The following GABRG3 variants were observed in gnomAD, a reference collection of about 807,000 sequenced individuals.
The protein encoded by GABRG3 is gamma-aminobutyric acid type A receptor subunit gamma3, also known as gamma-aminobutyric acid receptor subunit gamma-3.
Under a neutral mutation model 48.8 loss-of-function variants are expected in GABRG3, and 25 were observed. The observed-to-expected ratio is 0.51, with a 90% CI of 0.37 to 0.72. The LOEUF (loss-of-function observed/expected upper bound fraction) is 0.72. GABRG3 is among the 30% of genes least tolerant of loss of function. The pLI, the probability that GABRG3 is intolerant of heterozygous loss-of-function variation, is 0.00. For missense variants in GABRG3, 394 were observed against 577.9 expected, an observed-to-expected ratio of 0.68 and a Z score of 3.26; for synonymous variants, 227 against 217.6, an observed-to-expected ratio of 1.04 and a Z score of -0.38.
At chr15:27,358,895 G>C (rs552340836) in intron 5 of GABRG3, among the ~76,000 whole-genome samples, 1 of 152,174 alleles carries the variant, frequency 6.6e-6, no homozygotes, top group East Asian at 1.9e-4. Context: ...TGCAATGCCC[G>C]CTCAGTGGGC....
intron 3 of GABRG3, among the ~76,000 whole-genome samples, chr15:27,105,804 C>G (rs1013362964): frequency 6.6e-6 from 1 of 152,042 alleles, no homozygotes; most frequent in Non-Finnish European, 1.5e-5. Flanking sequence ...GAAATCACCA[C>G]TTCATATATA....
At chr15:27,082,534 A>G (rs1001196476) in intron 3 of GABRG3, among the ~76,000 whole-genome samples, 4 of 152,218 alleles carry the variant, frequency 2.6e-5, no homozygotes, top group African/African-American at 9.6e-5. Flanking sequence ...CCTGCATTAA[A>G]TGGAACCTGA....
rs536445943 is a variant in GABRG3 at position 27,174,590 on chromosome 15, C to T, written c.270+147769C>T. Among the ~76,000 whole-genome samples, 464 of 109,270 alleles carry T rather than the reference C, an allele frequency of 4.2e-3. 2 individuals carry two copies. The highest frequency in any genetic ancestry group is 8.0e-3 in the Non-Finnish European group (391 of 49,016). The allele number at this position is 109,270 out of a possible 152,430, so 71.7% of individuals were successfully genotyped here. On this transcript the variant is annotated intron_variant, in intron 3 of 9. Coordinates refer to ENST00000615808, the MANE Select transcript of GABRG3 (RefSeq NM_033223.5). ...GTGACTGCCTCTCTCTCTCGTCTCT[C>T]TCTCTCTCTCTCTCTCTCTCTCTCT... is the stretch of plus-strand genomic sequence containing the variant.
chr15:27,392,987 T>C (rs1887182293), intron 5 of GABRG3, among the ~76,000 whole-genome samples: 1 of 152,172 alleles, frequency 6.6e-6, no homozygotes, highest in Admixed American at 6.5e-5. Flanking sequence ...TCTGTTTTTT[T>C]CTCCAATCCT....
At chr15:27,238,658 A>C (rs2140452358) in intron 3 of GABRG3, among the ~76,000 whole-genome samples, 1 of 152,316 alleles carries the variant, frequency 6.6e-6, no homozygotes, top group South Asian at 2.1e-4. Flanking sequence ...TAATTGACTA[A>C]ATAATTATTA....
At chr15:27,163,354 T>C (rs1397240940) in intron 3 of GABRG3, among the ~76,000 whole-genome samples, 1 of 152,096 alleles carries the variant, frequency 6.6e-6, no homozygotes, top group Non-Finnish European at 1.5e-5. Flanking sequence ...TGCAGGCACA[T>C]GTCACTATGC....
At chr15:27,203,749 G>A (rs1199816484) in intron 3 of GABRG3, among the ~76,000 whole-genome samples, 1 of 152,054 alleles carries the variant, frequency 6.6e-6, no homozygotes, top group East Asian at 1.9e-4. Context: ...GTGTGAGGTG[G>A]TATCTCATTG....
At chr15:27,387,197 A>G (rs1285753445) in intron 5 of GABRG3, among the ~76,000 whole-genome samples, 4 of 151,214 alleles carry the variant, frequency 2.6e-5, no homozygotes, top group Non-Finnish European at 4.4e-5. Flanking sequence ...CAAGGCTACC[A>G]TGTGTGATCT....
chr15:27,527,488 G>A lies in GABRG3; in HGVS notation c.921G>A (p.Leu307=). 1 of 1,613,984 alleles carries A rather than the reference G, an allele frequency of 6.2e-7. No homozygotes were observed. The highest frequency in any genetic ancestry group is 2.2e-5 in the East Asian group (1 of 44,866). ...TGAGCACCATCGCCAGGAAGTCCTT[G>A]CCACGCGTGTCCTACGTGACCGCCA... is the stretch of plus-strand genomic sequence containing the variant. ...TTLSTIARKS[L]PRVSYVTAMD... Residue 307 remains leucine, a synonymous_variant, in exon 8 of 10, where the codon TTG becomes TTA. Transcript: ENST00000615808.
chr15:27,290,701 C>T (rs556325954), intron 3 of GABRG3, among the ~76,000 whole-genome samples: 1 of 152,260 alleles, frequency 6.6e-6, no homozygotes, highest in South Asian at 2.1e-4. Flanking sequence ...GAAACTGTCA[C>T]AACCAAGAGG....
chr15:27,130,800 A>G (rs1043605759), intron 3 of GABRG3, among the ~76,000 whole-genome samples: 1 of 151,852 alleles, frequency 6.6e-6, no homozygotes, highest in African/African-American at 2.4e-5. Flanking sequence ...TTGTTTCTTA[A>G]TTTTCTTTAC....
At chr15:27,426,196 A>G (rs1465623706) in intron 5 of GABRG3, among the ~76,000 whole-genome samples, 1 of 152,172 alleles carries the variant, frequency 6.6e-6, no homozygotes, top group African/African-American at 2.4e-5. Context: ...GAAAGAGAAG[A>G]GCTGATGATG....
intron 3 of GABRG3, among the ~76,000 whole-genome samples, chr15:27,278,743 C>A (rs144765021): frequency 7.5e-4 from 114 of 152,306 alleles, no homozygotes; most frequent in Non-Finnish European, 1.5e-3. Flanking sequence ...TATGAGAAAG[C>A]TGCTGTGTAT....
At chr15:27,210,942 G>T (rs1889059358) in intron 3 of GABRG3, among the ~76,000 whole-genome samples, 1 of 152,182 alleles carries the variant, frequency 6.6e-6, no homozygotes, top group Admixed American at 6.5e-5. Context: ...CACAATTAAG[G>T]TGTCTCCTTA....
chr15:27,344,602 G>T (rs139800542), intron 5 of GABRG3, among the ~76,000 whole-genome samples: 7,943 of 152,116 alleles, frequency 0.052, 683 homozygotes, highest in African/African-American at 0.18. Context: ...TCAAATTCTA[G>T]AAAAATTAAG....
chr15:27,229,454 TG>T (rs373987123), intron 3 of GABRG3, among the ~76,000 whole-genome samples: 26,638 of 145,880 alleles, frequency 0.18, 3,228 homozygotes, highest in East Asian at 0.41. Context: ...CTAGGTTTTT[TG>T]TGTGTGTGTG....
At chr15:27,309,404 G>A (rs977900155) in intron 3 of GABRG3, among the ~76,000 whole-genome samples, 26 of 151,732 alleles carry the variant, frequency 1.7e-4, no homozygotes, top group Admixed American at 5.3e-4. Flanking sequence ...ATTTGGAAAG[G>A]CAGAGGGACT....
At chr15:27,525,529 G>A (rs1034292454) in intron 7 of GABRG3, among the ~76,000 whole-genome samples, 1 of 152,170 alleles carries the variant, frequency 6.6e-6, no homozygotes, top group Admixed American at 6.5e-5. Flanking sequence ...GTTTCAGGGT[G>A]GGGGTGGAAG....
At chr15:27,246,638 G>A (rs7497044) in intron 3 of GABRG3, among the ~76,000 whole-genome samples, 150,688 of 152,304 alleles carry the variant, frequency 0.99, 74,552 homozygotes, top group Middle Eastern at 1. Context: ...AAATGTTATA[G>A]TTAAGGGATA....
Sources: gnomAD v4.1 joint callset for allele counts (sites outside exome capture counted in the v4.1 genomes callset) on GRCh38, gnomAD v4.1.1 for gene constraint, MANE v1.5 for transcripts, NCBI Gene and HGNC (gene_info 2026-07-23, HGNC 2026-07-21) for gene names.